NCKAP5: variants seen among roughly 807,000 people sequenced by gnomAD.
The protein encoded by NCKAP5 is nck-associated protein 5.
A neutral mutation model predicts 167.0 loss-of-function variants in NCKAP5; 92 were observed. That is an observed-to-expected ratio of 0.55 (90% CI 0.47 to 0.66). The LOEUF (loss-of-function observed/expected upper bound fraction) is 0.66. NCKAP5 is among the 30% of genes least tolerant of loss of function. The probability of loss-of-function intolerance (pLI) is 0.00; values close to 1 mark genes in which losing one functional copy is unlikely to be tolerated. For synonymous variants in NCKAP5, 891 were observed against 877.4 expected (o/e 1.02, Z -0.27); for missense variants, 2,378 against 2,315.0 (o/e 1.03, Z -0.56).
At chr2:133,021,771 C>T (rs1559059153) in intron 6 of NCKAP5, among the ~76,000 whole-genome samples, 1 of 152,148 alleles carries the variant, frequency 6.6e-6, no homozygotes, top group Non-Finnish European at 1.5e-5. Context: ...GCTGGGATTA[C>T]AGGTACATGC....
chr2:133,290,728 CTT>C (rs58758295), intron 4 of NCKAP5, among the ~76,000 whole-genome samples: 38 of 89,368 alleles, frequency 4.3e-4, no homozygotes, highest in African/African-American at 1.5e-3. Flanking sequence ...AGAATTTCTC[CTT>C]TTTTTTTTTT....
intron 16 of NCKAP5, among the ~76,000 whole-genome samples, chr2:132,746,528 A>T (rs1679660099): frequency 6.6e-6 from 1 of 152,172 alleles, no homozygotes; most frequent in Non-Finnish European, 1.5e-5. Context: ...TAAAAGCATG[A>T]TAAATTAGAT....
At chr2:132,881,915 A>C (rs1455225089) in intron 8 of NCKAP5, among the ~76,000 whole-genome samples, 1 of 152,126 alleles carries the variant, frequency 6.6e-6, no homozygotes, top group African/African-American at 2.4e-5. Flanking sequence ...TTTTTAACCA[A>C]ATCATTGATT....
chr2:132,897,563 G>A (rs146986511), intron 8 of NCKAP5, among the ~76,000 whole-genome samples: 99 of 152,286 alleles, frequency 6.5e-4, no homozygotes, highest in African/African-American at 2.2e-3. Context: ...CCTGTAAACT[G>A]TAGAATGTCT....
At chr2:132,900,631 T>A (rs1344745697) in intron 8 of NCKAP5, among the ~76,000 whole-genome samples, 4 of 152,074 alleles carry the variant, frequency 2.6e-5, no homozygotes, top group African/African-American at 9.7e-5. Context: ...ACCACATAAT[T>A]TTATAGAGTA....
intron 19 of NCKAP5, among the ~76,000 whole-genome samples, chr2:132,722,122 C>A (rs935821505): frequency 6.6e-6 from 1 of 152,166 alleles, no homozygotes; most frequent in African/African-American, 2.4e-5. Context: ...CAACCTAATG[C>A]GGATTCTTGA....
rs763106243 is a variant in NCKAP5, at chr2:132,782,877, G to C, written c.3934C>G (p.Leu1312Val). ...ITNTAERGNS[L>V]TRQNSSTESS... Reference sequence around the variant, plus strand: ...TCCGTGGAAGAGTTCTGCCGGGTAAGAGAATTGCCTCTCTCGGCGGTATTG... The same window carrying C: ...TCCGTGGAAGAGTTCTGCCGGGTAACAGAATTGCCTCTCTCGGCGGTATTG... Residue 1312 changes from leucine (L) to valine (V), a missense_variant, in exon 14 of 20, where the codon CTT (leucine) becomes GTT (valine). Physicochemically the swap from Leu to Val is conservative, Grantham distance 32 (BLOSUM62 1). This residue lies in a region of NCKAP5 where 1,325 missense variants were observed against 1,274.5 expected (regional missense o/e 1.04). Coordinates refer to ENST00000409261, the MANE Select transcript of NCKAP5 (RefSeq NM_207363.3). 6.2e-7 allele frequency: 1 copy of C among 1,613,996 alleles called. No homozygotes were observed. Among genetic ancestry groups the C allele is most frequent in the Admixed American group, 1.7e-5 (1 of 60,026 alleles).
intron 12 of NCKAP5, among the ~76,000 whole-genome samples, chr2:132,794,414 A>C (rs140591884): frequency 0.18 from 27,282 of 148,580 alleles, 2,972 homozygotes; most frequent in East Asian, 0.29. Context: ...GGGTGGATTG[A>C]CTGAGGTCAG....
At chr2:132,750,078 G>A (rs964334926) in intron 16 of NCKAP5, among the ~76,000 whole-genome samples, 2 of 152,192 alleles carry the variant, frequency 1.3e-5, no homozygotes, top group African/African-American at 4.8e-5. Context: ...CTTACGTATG[G>A]TTGTTTCAGG....
chr2:132,787,683 T>C (rs1376787859), intron 13 of NCKAP5, among the ~76,000 whole-genome samples: 1 of 152,154 alleles, frequency 6.6e-6, no homozygotes, highest in African/African-American at 2.4e-5. Flanking sequence ...TGCTATTCAG[T>C]GATGCTGCCC....
At chr2:133,255,614 G>T (rs1419220435) in intron 4 of NCKAP5, among the ~76,000 whole-genome samples, 2 of 152,138 alleles carry the variant, frequency 1.3e-5, no homozygotes, top group East Asian at 1.9e-4. Flanking sequence ...TGGCTGTTCT[G>T]TTCAGTGGAA....
At chr2:132,907,685 T>A (rs1694109028) in intron 8 of NCKAP5, among the ~76,000 whole-genome samples, 1 of 151,804 alleles carries the variant, frequency 6.6e-6, no homozygotes, top group African/African-American at 2.4e-5. Flanking sequence ...TGAGAAGGAG[T>A]CTCGCTGTGT....
At chr2:132,803,076 A>T (rs1685160218) in intron 11 of NCKAP5, among the ~76,000 whole-genome samples, 1 of 152,232 alleles carries the variant, frequency 6.6e-6, no homozygotes. Flanking sequence ...CTTTTTGGAT[A>T]AAAGCTGATG....
At chr2:133,317,468 G>A (rs1469997065) in intron 3 of NCKAP5, among the ~76,000 whole-genome samples, 1 of 152,154 alleles carries the variant, frequency 6.6e-6, no homozygotes, top group Non-Finnish European at 1.5e-5. Flanking sequence ...TAAGGAGGTA[G>A]AGCCATGAGG....
chr2:133,152,371 G>A (rs1240700696), intron 5 of NCKAP5, among the ~76,000 whole-genome samples: 1 of 152,032 alleles, frequency 6.6e-6, no homozygotes. Context: ...GCTCTTTGTT[G>A]AAGATTTTAT....
intron 19 of NCKAP5, among the ~76,000 whole-genome samples, chr2:132,675,514 T>A (rs1573799670): frequency 2.6e-5 from 4 of 152,068 alleles, no homozygotes; most frequent in South Asian, 2.1e-4. Flanking sequence ...GAAATGCAAG[T>A]TCTTGGATCC....
chr2:132,712,641 G>T (rs922328479), intron 19 of NCKAP5, among the ~76,000 whole-genome samples: 6 of 151,870 alleles, frequency 4.0e-5, no homozygotes, highest in Admixed American at 2.6e-4. Flanking sequence ...AACAGAGTGA[G>T]ATTCTGTCTC....
At chr2:133,609,583 C>A in the NCKAP5 span, among the ~76,000 whole-genome samples, 1 of 151,966 alleles carries the variant, frequency 6.6e-6, no homozygotes, top group Non-Finnish European at 1.5e-5. Flanking sequence ...TATCTAGGGG[C>A]CATAAGTGGA....
intron 4 of NCKAP5, among the ~76,000 whole-genome samples, chr2:133,268,631 C>T (rs2089360416): frequency 6.6e-6 from 1 of 151,912 alleles, no homozygotes; most frequent in South Asian, 2.1e-4. Context: ...TACAGGCGCC[C>T]GCCACCGCGC....
Sources: allele counts gnomAD v4.1 joint callset (sites outside exome capture counted in the v4.1 genomes callset), GRCh38; gene constraint gnomAD v4.1.1; regional missense constraint gnomAD v4.1.1; transcripts MANE v1.5; gene names NCBI Gene and HGNC (gene_info 2026-07-23, HGNC 2026-07-21).